The following PHAF1 variants were observed in gnomAD, a reference collection of about 807,000 sequenced individuals.
PHAF1 encodes the protein phagophore assembly factor 1, also known as phagosome assembly factor 1.
Under a neutral mutation model 63.1 loss-of-function variants are expected in PHAF1, and 23 were observed. The ratio of observed to expected loss-of-function variants is 0.36; its 90% CI spans 0.26 to 0.52. The LOEUF is 0.52. Ranked by LOEUF, PHAF1 falls within the 20% of genes least tolerant of loss-of-function variation. The probability of loss-of-function intolerance (pLI) is 0.93; values close to 1 mark genes in which losing one functional copy is unlikely to be tolerated. For synonymous variants in PHAF1, 167 were observed against 185.0 expected, an observed-to-expected ratio of 0.90 and a Z score of 0.79; for missense variants, 427 against 517.2, an observed-to-expected ratio of 0.83 and a Z score of 1.69.
At chr16:67,143,744 AG>A (rs1318047016) in intron 10 of PHAF1, among the ~76,000 whole-genome samples, 2 of 152,126 alleles carry the variant, frequency 1.3e-5, no homozygotes, top group Non-Finnish European at 2.9e-5. Flanking sequence ...CAGGACAAAG[AG>A]CTAAAATGGA....
rs199956846 is a variant in PHAF1 at position 67,140,153 on chromosome 16, T to C, written c.795+36T>C. 3.1e-6 allele frequency: 5 copies of C among 1,596,186 alleles called. No homozygotes were observed. In the East Asian group the frequency reaches 1.1e-4, roughly 36 times the overall value. ...TATGTTGCAGTCTCCTCCTTTTTTTTAATCAACACTAATTTAATATTGAGT... is the reference window on the plus strand; with the variant it reads ...TATGTTGCAGTCTCCTCCTTTTTTTCAATCAACACTAATTTAATATTGAGT... On this transcript the variant is annotated intron_variant, in intron 9 of 15. Transcript: ENST00000219139.
chr16:67,126,489 G>A (rs553002516), intron 3 of PHAF1, among the ~76,000 whole-genome samples: 2 of 151,980 alleles, frequency 1.3e-5, no homozygotes, highest in African/African-American at 4.8e-5. Flanking sequence ...GGGAGGAAAT[G>A]TAAAAAAACA....
chr16:67,144,303 T>A lies in PHAF1; in HGVS notation c.889T>A (p.Phe297Ile). 6.2e-7 allele frequency: 1 copy of A among 1,610,744 alleles called. No individual in the cohort carries two copies. Among genetic ancestry groups the A allele is most frequent in the Non-Finnish European group, 8.5e-7 (1 of 1,176,928 alleles). Residue 297 changes from phenylalanine to isoleucine, a missense_variant, in exon 11 of 16, where the codon TTT becomes ATT. Phe to Ile is a conservative substitution (Grantham distance 21). Transcript: ENST00000219139. The stretch of plus-strand genomic sequence containing the variant: ...TTGTTTTCTATCCCAGGACATCCTC[T>A]TTGATGCGAATACACACAAAGTGAA... ...NYFTLGVDIL[F>I]DANTHKVKKF...
intron 2 of PHAF1, among the ~76,000 whole-genome samples, chr16:67,124,418 G>A (rs565613075): frequency 6.6e-6 from 1 of 152,228 alleles, no homozygotes; most frequent in Non-Finnish European, 1.5e-5. Flanking sequence ...TGCTTTGTGG[G>A]GATCAATGGG....
In PHAF1 at chr16:67,147,374, G is replaced by A. The variant is rs1313655253; in HGVS notation, c.*243G>A. ...CACAGACTGCAAAGAGAAGCACAAA[G>A]TTTGAGCCTTGATTCCTGGACCCAG... On this transcript the variant is annotated 3_prime_UTR_variant, in exon 16 of 16. Transcript: ENST00000219139. The A allele has an allele frequency of 1.9e-6, 1 of 513,922 alleles. No homozygotes were observed. The highest frequency in any genetic ancestry group is 3.5e-6 in the Non-Finnish European group (1 of 289,284). The allele number at this position is 513,922 out of a possible 1,614,324, so 31.8% of individuals were successfully genotyped here.
At chr16:67,121,094 G>A (rs1962949016) in intron 2 of PHAF1, among the ~76,000 whole-genome samples, 2 of 152,184 alleles carry the variant, frequency 1.3e-5, no homozygotes, top group Admixed American at 1.3e-4. Flanking sequence ...GCAAGTGCTT[G>A]AGTATTCATG....
chr16:67,142,689 T>C (rs1963857981), intron 10 of PHAF1, among the ~76,000 whole-genome samples: 1 of 152,016 alleles, frequency 6.6e-6, no homozygotes, highest in South Asian at 2.1e-4. Context: ...CAAGGGGCCT[T>C]CTGGGCCCCT....
At chr16:67,110,945 A>G (rs1962487556) in intron 1 of PHAF1, among the ~76,000 whole-genome samples, 1 of 151,978 alleles carries the variant, frequency 6.6e-6, no homozygotes, top group Admixed American at 6.5e-5. Context: ...CCCAGTAGCT[A>G]GGATTACAGG....
chr16:67,139,942 C>T lies in PHAF1; in HGVS notation c.662-42C>T, dbSNP rs199678639. On this transcript the variant is annotated intron_variant, in intron 8 of 15. Coordinates refer to ENST00000219139, the MANE Select transcript of PHAF1 (RefSeq NM_025187.5). ...GGGGCCCCCAGAGAGGGTCTCTGGTCCTAACCATAACCTGACAACCTCTCT... is the reference window on the plus strand; with the variant it reads ...GGGGCCCCCAGAGAGGGTCTCTGGTTCTAACCATAACCTGACAACCTCTCT... The T allele has an allele frequency of 1.1e-5, 17 of 1,612,844 alleles. No individual in the cohort carries two copies. The East Asian group carries it at 1.6e-4, about 15-fold the overall frequency.
At chr16:67,130,354 T>G (rs1305800569) in intron 3 of PHAF1, among the ~76,000 whole-genome samples, 1 of 120,034 alleles carries the variant, frequency 8.3e-6, no homozygotes, top group Non-Finnish European at 1.7e-5. Flanking sequence ...GCCTTTTTTT[T>G]TTTTTTTTTT....
intron 8 of PHAF1, among the ~76,000 whole-genome samples, chr16:67,138,184 G>A (rs1198077300): frequency 1.3e-5 from 2 of 152,082 alleles, no homozygotes; most frequent in East Asian, 3.9e-4. Context: ...ACACGTATCT[G>A]GTGCCTGAAG....
rs578144224 is a variant in PHAF1, at chr16:67,147,095, G to T, written c.1233G>T (p.Arg411Ser). 6.2e-7 allele frequency: 1 copy of T among 1,613,828 alleles called. No individual in the cohort carries two copies. The highest frequency in any genetic ancestry group is 1.3e-5 in the African/African-American group (1 of 74,862). ...CGGTGACCCTGTATGGCCCCCCCAG[G>T]CCTGGTAGCCACCTGAGAACAGCGG... is the stretch of plus-strand genomic sequence containing the variant. ...IASVTLYGPP[R>S]PGSHLRTAEL... The change falls in exon 16 of 16, where the codon AGG (arginine) becomes AGT (serine). Residue 411 changes from arginine to serine, a missense_variant. Transcript: ENST00000219139.
intron 13 of PHAF1, 72 bp downstream of exon 13, chr16:67,145,491 T>A: frequency 1.9e-6 from 3 of 1,612,730 alleles, no homozygotes; most frequent in Non-Finnish European, 2.5e-6. Context: ...AGTATGGGGC[T>A]GTGTCCTCTA....
At chr16:67,144,694 A>G (rs142765676) in intron 11 of PHAF1, 140 bp from the exon 12 acceptor site, 251 of 970,964 alleles carry the variant, frequency 2.6e-4, no homozygotes, top group Admixed American at 3.4e-4. Context: ...GGCCTCCCCC[A>G]GTGAACACTG....
At chr16:67,139,484 G>A (rs978500629) in intron 8 of PHAF1, 5 of 158,158 alleles carry the variant, frequency 3.2e-5, no homozygotes, top group African/African-American at 1.2e-4. Context: ...AAGTAGATGG[G>A]ACTACAGACA....
At chr16:67,117,908 C>A (rs1381803560) in intron 1 of PHAF1, among the ~76,000 whole-genome samples, 4 of 151,038 alleles carry the variant, frequency 2.6e-5, no homozygotes, top group Non-Finnish European at 4.4e-5. Context: ...TTCACCTCAG[C>A]CTCCTGAGTA....
intron 3 of PHAF1, among the ~76,000 whole-genome samples, chr16:67,129,614 C>T (rs1963314331): frequency 6.6e-6 from 1 of 152,208 alleles, no homozygotes. Context: ...ATTGGCAGGA[C>T]AAACAGATAT....
intron 4 of PHAF1, among the ~76,000 whole-genome samples, chr16:67,131,778 G>A (rs574295991): frequency 1.3e-5 from 2 of 152,312 alleles, no homozygotes; most frequent in Non-Finnish European, 2.9e-5. Flanking sequence ...GAATTACAGC[G>A]GGGATGACAT....
intron 10 of PHAF1, among the ~76,000 whole-genome samples, chr16:67,140,899 T>G (rs1822414328): frequency 6.6e-6 from 1 of 152,206 alleles, no homozygotes; most frequent in Non-Finnish European, 1.5e-5. Context: ...GAGCTGCCCT[T>G]TTGTAAAGCA....
Sources: gnomAD v4.1 joint callset for allele counts (sites outside exome capture counted in the v4.1 genomes callset) on GRCh38, gnomAD v4.1.1 for gene constraint, MANE v1.5 for transcripts, NCBI Gene and HGNC (gene_info 2026-07-23, HGNC 2026-07-21) for gene names.